Variants in ERBB4 observed in about 807,000 individuals in gnomAD.
ERBB4 encodes receptor tyrosine-protein kinase erbB-4.
Under a neutral mutation model 158.0 loss-of-function variants are expected in ERBB4, and 42 were observed. The ratio of observed to expected loss-of-function variants is 0.27; its 90% CI spans 0.21 to 0.34. The LOEUF (loss-of-function observed/expected upper bound fraction) is 0.34, where lower values mean the gene tolerates loss of function less well. Among genes scored for constraint, ERBB4 ranks in the 10% least tolerant of loss-of-function variants. The pLI is 1.00. For missense variants in ERBB4, 1,333 were observed against 1,624.1 expected, an observed-to-expected ratio of 0.82 and a Z score of 3.08; for synonymous variants, 583 against 558.7, an observed-to-expected ratio of 1.04 and a Z score of -0.61.
chr2:211,947,465 A>G lies in ERBB4; in HGVS notation c.386T>C (p.Phe129Ser), dbSNP rs776734324. The part of the protein sequence containing the change: ...IFLNYRKDGN[F>S]GLQELGLKNL... ...CTTTAATCCAAGTTCTTGAAGTCCA[A>G]AGTTTCCATCTTTTCTGTAGTTTAA... The change falls in exon 3 of 28, where the codon TTT (phenylalanine) becomes TCT (serine). Residue 129 changes from phenylalanine to serine, a missense_variant. By Grantham distance (155) the Phe-to-Ser change is radical. This residue lies in a region of ERBB4 where 438 missense variants were observed against 586.9 expected (regional missense o/e 0.75). Coordinates refer to ENST00000342788, the MANE Select transcript of ERBB4 (RefSeq NM_005235.3). The G allele has an allele frequency of 6.2e-7, 1 of 1,613,860 alleles. No individual in the cohort carries two copies. Among genetic ancestry groups the G allele is most frequent in the Non-Finnish European group, 8.5e-7 (1 of 1,179,886 alleles).
chr2:211,961,600 C>T (rs890580483), intron 2 of ERBB4, among the ~76,000 whole-genome samples: 4 of 152,150 alleles, frequency 2.6e-5, no homozygotes, highest in African/African-American at 9.7e-5. Flanking sequence ...TTGACAACAA[C>T]AAGATATTAC....
chr2:211,869,152 A>G (rs1443533159), intron 3 of ERBB4, among the ~76,000 whole-genome samples: 1 of 152,204 alleles, frequency 6.6e-6, no homozygotes, highest in African/African-American at 2.4e-5. Flanking sequence ...AATGGCTTCA[A>G]TCCTGCCAAG....
intron 25 of ERBB4, among the ~76,000 whole-genome samples, chr2:211,394,908 C>A (rs781553182): frequency 1.4e-4 from 21 of 152,060 alleles, no homozygotes; most frequent in Non-Finnish European, 2.5e-4. Context: ...AGTCACATGA[C>A]TTTTAACAAA....
chr2:212,292,655 A>G (rs1030662571), intron 1 of ERBB4, among the ~76,000 whole-genome samples: 1 of 152,078 alleles, frequency 6.6e-6, no homozygotes, highest in Non-Finnish European at 1.5e-5. Context: ...AGCAGCAAAC[A>G]GTTCAGATTG....
chr2:212,219,416 G>T (rs2083215630), intron 1 of ERBB4, among the ~76,000 whole-genome samples: 1 of 151,112 alleles, frequency 6.6e-6, no homozygotes, highest in East Asian at 1.9e-4. Flanking sequence ...ATGTCAGAAA[G>T]ACCTAAATTA....
rs558069885 is a variant in ERBB4, at chr2:211,972,802, C to G, written c.235-25186G>C. On this transcript the variant is annotated intron_variant, in intron 2 of 27. Coordinates refer to ENST00000342788, the MANE Select transcript of ERBB4 (RefSeq NM_005235.3). Reference sequence around the variant, plus strand: ...TGTAAAACTTGAAACTATGAAAACCCTGGAAGACAACCTAGGCAATACCAT... The same window carrying G: ...TGTAAAACTTGAAACTATGAAAACCGTGGAAGACAACCTAGGCAATACCAT... Among the ~76,000 whole-genome samples, 3 of 152,182 alleles carry G rather than the reference C, an allele frequency of 2.0e-5. No homozygotes were observed. The East Asian group carries it at 5.8e-4, about 29-fold the overall frequency.
intron 2 of ERBB4, among the ~76,000 whole-genome samples, chr2:211,971,292 A>G (rs1046176309): frequency 6.6e-6 from 1 of 152,098 alleles, no homozygotes; most frequent in Non-Finnish European, 1.5e-5. Flanking sequence ...GCCTTTCTCT[A>G]TGCTCATAAA....
At chr2:212,251,760 A>G (rs1290075868) in intron 1 of ERBB4, among the ~76,000 whole-genome samples, 1 of 152,068 alleles carries the variant, frequency 6.6e-6, no homozygotes. Flanking sequence ...AAATGAATTT[A>G]GAAAGGTGAC....
At chr2:212,478,293 C>A (rs1293031682) in intron 1 of ERBB4, among the ~76,000 whole-genome samples, 1 of 152,060 alleles carries the variant, frequency 6.6e-6, no homozygotes, top group African/African-American at 2.4e-5. Context: ...TGTCCTCAGT[C>A]ATTTATAACG....
chr2:212,475,282 A>C (rs1352311794), intron 1 of ERBB4, among the ~76,000 whole-genome samples: 1 of 152,132 alleles, frequency 6.6e-6, no homozygotes. Context: ...CTCTGCAGTC[A>C]TCATGAATCA....
chr2:211,824,853 A>G (rs959265399), intron 3 of ERBB4, among the ~76,000 whole-genome samples: 3 of 151,968 alleles, frequency 2.0e-5, no homozygotes, highest in Non-Finnish European at 4.4e-5. Context: ...AGTGGCACCA[A>G]CTTATTTAAA....
At chr2:211,623,777 G>T in intron 18 of ERBB4, 145 bp downstream of exon 18, 1 of 755,024 alleles carries the variant, frequency 1.3e-6, no homozygotes, top group Non-Finnish European at 2.1e-6. Context: ...ATTCATTTGT[G>T]CAGCAACTTC....
intron 20 of ERBB4, among the ~76,000 whole-genome samples, chr2:211,497,453 A>G (rs1475405559): frequency 2.0e-5 from 3 of 152,052 alleles, no homozygotes; most frequent in Non-Finnish European, 4.4e-5. Flanking sequence ...ATATTTGTTG[A>G]ATTACATATC....
At chr2:211,455,648 C>T (rs557317777) in intron 20 of ERBB4, among the ~76,000 whole-genome samples, 1 of 152,222 alleles carries the variant, frequency 6.6e-6, no homozygotes, top group East Asian at 1.9e-4. Flanking sequence ...TCTCCCTTAG[C>T]TTGTTCTATG....
At chr2:212,191,803 A>G (rs575611922) in intron 1 of ERBB4, among the ~76,000 whole-genome samples, 4 of 138,050 alleles carry the variant, frequency 2.9e-5, no homozygotes, top group South Asian at 4.7e-4. Flanking sequence ...TATATGTTAT[A>G]TATAATACAT....
At chr2:211,881,025 A>G (rs1278774577) in intron 3 of ERBB4, among the ~76,000 whole-genome samples, 1 of 152,196 alleles carries the variant, frequency 6.6e-6, no homozygotes, top group African/African-American at 2.4e-5. Flanking sequence ...GGGTGCCAAG[A>G]CCATGGCACT....
At chr2:212,514,035 T>TAACAA (rs1004343644) in intron 1 of ERBB4, among the ~76,000 whole-genome samples, 1 of 152,124 alleles carries the variant, frequency 6.6e-6, no homozygotes, top group Non-Finnish European at 1.5e-5. Context: ...CTAAATTTCA[T>TAACAA]AACAAAACAA....
intron 1 of ERBB4, among the ~76,000 whole-genome samples, chr2:212,419,803 T>C (rs1158151826): frequency 1.3e-5 from 2 of 151,934 alleles, no homozygotes; most frequent in African/African-American, 4.8e-5. Flanking sequence ...TCCTATTCAA[T>C]AGTTAATAGT....
At chr2:211,418,282 C>A (rs1178107309) in intron 25 of ERBB4, among the ~76,000 whole-genome samples, 1 of 152,040 alleles carries the variant, frequency 6.6e-6, no homozygotes, top group Non-Finnish European at 1.5e-5. Flanking sequence ...AAAGGAGGAA[C>A]ATGGCATTTG....
Sources: allele counts gnomAD v4.1 joint callset (sites outside exome capture counted in the v4.1 genomes callset), GRCh38; gene constraint gnomAD v4.1.1; regional missense constraint gnomAD v4.1.1; transcripts MANE v1.5; gene names NCBI Gene and HGNC (gene_info 2026-07-23, HGNC 2026-07-21).